The following NLRP1 variants were observed in gnomAD, a reference collection of about 807,000 sequenced individuals.
The protein encoded by NLRP1 is NLR family pyrin domain containing 1.
In NLRP1, 94 loss-of-function variants were observed where a neutral mutation model predicts 136.7. The observed-to-expected ratio is 0.69, with a 90% confidence interval of 0.58 to 0.82. The LOEUF (loss-of-function observed/expected upper bound fraction) is 0.82, where lower values mean the gene tolerates loss of function less well. NLRP1 is among the 40% of genes least tolerant of loss of function. The probability of loss-of-function intolerance (pLI) is 0.00; values close to 1 mark genes in which losing one functional copy is unlikely to be tolerated. For synonymous variants in NLRP1, 690 were observed against 725.1 expected, an observed-to-expected ratio of 0.95 and a Z score of 0.78; for missense variants, 1,575 against 1,802.7, an observed-to-expected ratio of 0.87 and a Z score of 2.29.
At chr17:5,555,149 C>G (rs1018222593) in intron 4 of NLRP1, among the ~76,000 whole-genome samples, 1 of 152,006 alleles carries the variant, frequency 6.6e-6, no homozygotes, top group Non-Finnish European at 1.5e-5. Flanking sequence ...TTTTTTATTT[C>G]CGTTGGCATT....
chr17:5,513,920 G>A (rs563177254), downstream of NLRP1, among the ~76,000 whole-genome samples: 60 of 152,204 alleles, frequency 3.9e-4, no homozygotes, highest in South Asian at 0.011. Flanking sequence ...TCCCACCAGC[G>A]CCATGACAGT....
chr17:5,561,266 G>A (rs1050125200), intron 3 of NLRP1, among the ~76,000 whole-genome samples: 4 of 152,150 alleles, frequency 2.6e-5, no homozygotes, highest in Admixed American at 2.0e-4. Context: ...TGTTGGCCAT[G>A]CTGGTCTCAA....
intron 12 of NLRP1, among the ~76,000 whole-genome samples, chr17:5,522,531 A>G (rs1909031069): frequency 6.6e-6 from 1 of 152,214 alleles, no homozygotes; most frequent in Admixed American, 6.5e-5. Context: ...TCTGTTATTT[A>G]CAAGCTACCT....
At chr17:5,563,804 C>T (rs564154202) in intron 3 of NLRP1, among the ~76,000 whole-genome samples, 1 of 152,158 alleles carries the variant, frequency 6.6e-6, no homozygotes, top group Non-Finnish European at 1.5e-5. Flanking sequence ...AGACAATCAT[C>T]CCTAAAACAC....
chr17:5,582,038 T>G lies in NLRP1; in HGVS notation c.473A>C (p.Gln158Pro). Residue 158 changes from glutamine (Q) to proline (P), a missense_variant, in exon 3 of 17, where the codon CAA becomes CCA. By Grantham distance (76) the Gln-to-Pro change is moderately conservative. Transcript: ENST00000572272. ...WREISASLLY[Q>P]ALPSSPDHES... ...ATGGTCTGGGGAGCTTGGAAGAGCT[T>G]GGTAGAGGAGTGAGGCAGAGATTTC... 2.5e-6 allele frequency: 4 copies of G among 1,613,710 alleles called. No individual in the cohort carries two copies. Among genetic ancestry groups the G allele is most frequent in the Non-Finnish European group, 3.4e-6 (4 of 1,179,760 alleles).
chr17:5,576,583 T>C (rs1054781630), intron 3 of NLRP1, among the ~76,000 whole-genome samples: 60 of 152,294 alleles, frequency 3.9e-4, no homozygotes, highest in Middle Eastern at 3.4e-3. Context: ...CAGGAAGAAG[T>C]TGAATCCCTG....
At chr17:5,561,686 A>G (rs1597463173) in intron 3 of NLRP1, among the ~76,000 whole-genome samples, 1 of 37,642 alleles carries the variant, frequency 2.7e-5, no homozygotes, top group Non-Finnish European at 6.2e-5. Flanking sequence ...CTCATGATCC[A>G]CCCGCCTCGG....
chr17:5,511,771 C>T (rs2137723), downstream of NLRP1, among the ~76,000 whole-genome samples: 67,751 of 149,700 alleles, frequency 0.45, 16,012 homozygotes, highest in East Asian at 0.88. Context: ...CTTTCTCTTT[C>T]TCTTTCTTCT....
At position 5,520,925 on chromosome 17, in the gene NLRP1, T is replaced by G. The variant is rs760248054; in HGVS notation, c.3871A>C (p.Thr1291Pro). The G allele has an allele frequency of 1.9e-6, 3 of 1,611,676 alleles. No homozygotes were observed. Among genetic ancestry groups the G allele is most frequent in the Non-Finnish European group, 2.5e-6 (3 of 1,178,818 alleles). ...ATCCCTGAACCAGACCCAGACACAG[T>G]GTAACGACAGCCCATATAAAGTGGG... The part of the protein sequence containing the change: ...LTPLYMGCRY[T>P]VSGSGSGMLE... The change falls in exon 14 of 17, where the codon ACT becomes CCT. Residue 1291 changes from threonine to proline, a missense_variant. Coordinates refer to ENST00000572272, the MANE Select transcript of NLRP1 (RefSeq NM_033004.4).
At chr17:5,573,725 G>A (rs528814576) in intron 3 of NLRP1, among the ~76,000 whole-genome samples, 1 of 152,348 alleles carries the variant, frequency 6.6e-6, no homozygotes, top group Admixed American at 6.5e-5. Context: ...TGGACCTCCA[G>A]CAAACTCCAA....
intron 15 of NLRP1, chr17:5,506,118 C>T (rs1907320931): frequency 6.6e-6 from 1 of 151,880 alleles, no homozygotes; most frequent in Non-Finnish European, 1.5e-5. Context: ...AACCCCGTCT[C>T]TATTCAAAAT....
rs748822870 is a variant in NLRP1 at position 5,541,864 on chromosome 17, G to A, written c.2692C>T (p.Arg898Ter). 12 of 1,613,812 alleles carry A rather than the reference G, an allele frequency of 7.4e-6. No homozygotes were observed. The East Asian group carries it at 1.1e-4, about 15-fold the overall frequency. ...CCCACCAAGAACAATTACTGCAGTC[G>A]CTGTAGCTTGCAGCTCGGCTGTCTC... ...RLRQPSCKLQ[R>*]LQLVSCGLTS... Residue 898 changes from arginine (R) to a stop codon, truncating the protein, a stop_gained, in exon 6 of 17, where the codon CGA (arginine) becomes TGA (stop). Transcript: ENST00000572272. LOFTEE classifies it high-confidence loss of function. This position sits in a 1 kb window ranked among gnomAD's most constrained non-coding sequence, Gnocchi z 4.2.
chr17:5,541,397 T>A lies in NLRP1; in HGVS notation c.2699+460A>T, dbSNP rs11078569. 0.047 allele frequency among the ~76,000 whole-genome samples: 7,204 copies of A among 152,194 alleles called. 199 individuals carry two copies. Among genetic ancestry groups the A allele is most frequent in the Middle Eastern group, 0.088 (26 of 294 alleles). Reference sequence around the variant, plus strand: ...GGCTCTGTCCCCTCGGATGAGATAGTAAATCGAACTAAGTGGACACCAGTG... The same window carrying A: ...GGCTCTGTCCCCTCGGATGAGATAGAAAATCGAACTAAGTGGACACCAGTG... On this transcript the variant is annotated intron_variant, in intron 6 of 16. Transcript: ENST00000572272. The surrounding 1 kb of genome is among the most constrained non-coding windows in gnomAD (Gnocchi z 4.2).
At chr17:5,513,580 A>G (rs565481860), downstream of NLRP1, among the ~76,000 whole-genome samples, 1 of 152,248 alleles carries the variant, frequency 6.6e-6, no homozygotes, top group Admixed American at 6.5e-5. Context: ...GAAAAGATGG[A>G]GTCCCTATAA....
chr17:5,502,291 C>CCTTTT (rs1555540085), intron 15 of NLRP1: 2 of 154,786 alleles, frequency 1.3e-5, no homozygotes, highest in Admixed American at 6.1e-5. Flanking sequence ...GGTGCAGTTC[C>CCTTTT]TTTTTTTTTT....
chr17:5,507,006 T>G (rs1282952326), intron 15 of NLRP1, among the ~76,000 whole-genome samples: 2 of 151,908 alleles, frequency 1.3e-5, no homozygotes, highest in African/African-American at 4.8e-5. Flanking sequence ...AGGACAATGA[T>G]TGTATGATTC....
rs1412930118 is a variant in NLRP1, at chr17:5,559,579, C to A, written c.1117G>T (p.Ala373Ser). Reference sequence around the variant, plus strand: ...GCGAGACTCACCACCTTGGACTGGGCCAGCTCTCTGCAGCTGAAGTAGAAG... The same window carrying A: ...GCGAGACTCACCACCTTGGACTGGGACAGCTCTCTGCAGCTGAAGTAGAAG... The part of the protein sequence containing the change: ...HVFYFSCREL[A>S]QSKVVSLAEL... Residue 373 changes from alanine to serine, a missense_variant, in exon 4 of 17, where the codon GCC becomes TCC. Transcript: ENST00000572272. The A allele has an allele frequency of 6.2e-7, 1 of 1,614,226 alleles. No individual in the cohort carries two copies. The highest frequency in any genetic ancestry group is 8.5e-7 in the Non-Finnish European group (1 of 1,180,046).
chr17:5,583,750 C>A lies in NLRP1; in HGVS notation c.208G>T (p.Ala70Ser). The A allele has an allele frequency of 1.9e-6, 3 of 1,552,890 alleles. No homozygotes were observed. Among genetic ancestry groups the A allele is most frequent in the African/African-American group, 2.7e-5 (2 of 73,224 alleles). The change falls in exon 1 of 17, where the codon GCC becomes TCC. Residue 70 changes from alanine to serine, a missense_variant. Coordinates refer to ENST00000572272, the MANE Select transcript of NLRP1 (RefSeq NM_033004.4). This position sits in a 1 kb window ranked among gnomAD's most constrained non-coding sequence, Gnocchi z 4.5. ...QYGEQRAWDL[A>S]LHTWEQMGLR... Reference sequence around the variant, plus strand: ...CCCATCTGCTCCCAGGTATGGAGGGCTAGGTCCCAGGCCCGCTGCTCCCCA... The same window carrying A: ...CCCATCTGCTCCCAGGTATGGAGGGATAGGTCCCAGGCCCGCTGCTCCCCA...
chr17:5,559,710 A>G lies in NLRP1; in HGVS notation c.986T>C (p.Ile329Thr), dbSNP rs929131717. The change falls in exon 4 of 17, where the codon ATA becomes ACA. Residue 329 changes from isoleucine to threonine, a missense_variant. Physicochemically the swap from Ile to Thr is moderately conservative, Grantham distance 89. Coordinates refer to ENST00000572272, the MANE Select transcript of NLRP1 (RefSeq NM_033004.4). The stretch of plus-strand genomic sequence containing the variant: ...TCCAGCAGCCCCCTGCAGTATGACT[A>G]TGCGAGGTTCTTGGGTATCCAGGCC... ...GPGLDTQEPR[I>T]VILQGAAGIG... The G allele has an allele frequency of 6.2e-7, 1 of 1,614,238 alleles. No homozygotes were observed. The highest frequency in any genetic ancestry group is 1.1e-5 in the South Asian group (1 of 91,084).
Sources: gnomAD v4.1 joint callset for allele counts (sites outside exome capture counted in the v4.1 genomes callset) on GRCh38, gnomAD v4.1.1 for gene constraint, Gnocchi (gnomAD v3.1) non-coding constraint, MANE v1.5 for transcripts, NCBI Gene and HGNC (gene_info 2026-07-23, HGNC 2026-07-21) for gene names.